Variants in DMD observed in about 807,000 individuals in gnomAD.
DMD encodes mutant dystrophin.
Under a neutral mutation model 330.1 loss-of-function variants are expected in DMD, and 63 were observed. The ratio of observed to expected loss-of-function variants is 0.19; its 90% CI spans 0.16 to 0.24. The LOEUF is 0.24. Ranked by LOEUF, DMD falls within the 10% of genes least tolerant of loss-of-function variation. The probability of loss-of-function intolerance (pLI) is 1.00; values close to 1 mark genes in which losing one functional copy is unlikely to be tolerated. For synonymous variants in DMD, 1,223 were observed against 959.8 expected, an observed-to-expected ratio of 1.27 and a Z score of -5.07; for missense variants, 3,344 against 2,684.1, an observed-to-expected ratio of 1.25 and a Z score of -5.43.
At chrX:31,363,345 C>G (rs1378336993) in intron 60 of DMD, among the ~76,000 whole-genome samples, 1 of 107,499 alleles carries the variant, frequency 9.3e-6, no homozygotes, top group Non-Finnish European at 1.9e-5. Flanking sequence ...TTTCCGTGGC[C>G]TCTTTCAGTA....
At chrX:33,249,197 C>G (rs1283289685) in intron 1 of DMD, among the ~76,000 whole-genome samples, 4 of 112,357 alleles carry the variant, frequency 3.6e-5, no homozygotes, top group Non-Finnish European at 5.6e-5. Context: ...GTTGCCCAGG[C>G]TGGAGTGCAA....
chrX:31,930,614 C>T (rs1042067105), intron 46 of DMD, among the ~76,000 whole-genome samples: 72 of 111,870 alleles, frequency 6.4e-4, no homozygotes, highest in African/African-American at 2.0e-3. Flanking sequence ...CTCAGTCACA[C>T]GACCAACTCT....
chrX:33,265,623 T>C (rs1474927870), intron 1 of DMD, among the ~76,000 whole-genome samples: 1 of 111,376 alleles, frequency 9.0e-6, no homozygotes, highest in Admixed American at 9.6e-5. Context: ...GATTCAGTCT[T>C]GGCCCATGTA....
intron 1 of DMD, among the ~76,000 whole-genome samples, chrX:33,287,747 G>A (rs1189390640): frequency 9.0e-6 from 1 of 111,454 alleles, no homozygotes; most frequent in Non-Finnish European, 1.9e-5. Context: ...ACTCTAAACT[G>A]GGACACAATC....
chrX:32,712,578 G>A lies in DMD; in HGVS notation c.650-13285C>T, dbSNP rs769466410. Among the ~76,000 whole-genome samples, 4 of 111,336 alleles carry A rather than the reference G, an allele frequency of 3.6e-5. No individual in the cohort carries two copies. In the East Asian group the frequency reaches 8.5e-4, roughly 24 times the overall value. On this transcript the variant is annotated intron_variant, in intron 7 of 78. Transcript: ENST00000357033. ...ATTTGTACTATGCATTTATTTATTA[G>A]TTAAGCTTAATTTTATTTTGATGGG... is the stretch of plus-strand genomic sequence containing the variant.
intron 50 of DMD, among the ~76,000 whole-genome samples, chrX:31,802,141 CTA>C (rs1387333168): frequency 9.2e-6 from 1 of 108,803 alleles, no homozygotes; most frequent in Non-Finnish European, 1.9e-5. Context: ...AAGGGTCACA[CTA>C]TACAAGATCC....
intron 55 of DMD, among the ~76,000 whole-genome samples, chrX:31,508,816 T>C (rs968435616): frequency 2.7e-5 from 3 of 111,413 alleles, no homozygotes; most frequent in African/African-American, 9.8e-5. Context: ...TTGAATTAAA[T>C]TACTCTGCTA....
intron 7 of DMD, among the ~76,000 whole-genome samples, chrX:32,705,556 G>A (rs1385033510): frequency 8.9e-6 from 1 of 111,827 alleles, no homozygotes; most frequent in Non-Finnish European, 1.9e-5. Flanking sequence ...GCTCATGCCT[G>A]TAATCCCAGC....
chrX:32,819,412 G>C (rs1243583428), intron 5 of DMD, among the ~76,000 whole-genome samples: 1 of 110,803 alleles, frequency 9.0e-6, no homozygotes, highest in African/African-American at 3.3e-5. Context: ...AGCAAGATTT[G>C]TTATTACAAC....
Position 32,217,035 on chromosome X carries a change from G to T in DMD, c.6319C>A (p.Arg2107=), listed in dbSNP as rs770711808. 11 of 1,208,870 alleles carry T rather than the reference G, an allele frequency of 9.1e-6. No individual in the cohort carries two copies. Among genetic ancestry groups the T allele is most frequent in the Middle Eastern group, 2.3e-4 (1 of 4,347 alleles). Residue 2107 remains arginine, a synonymous_variant, in exon 44 of 79, where the codon CGG becomes AGG. Coordinates refer to ENST00000357033, the MANE Select transcript of DMD (RefSeq NM_004006.3). The stretch of plus-strand genomic sequence containing the variant: ...ATCTTTATATCATAATGAAAACGCC[G>T]CCATTTCTCAACAGATCTGTCAAAT... ...GRFDRSVEKW[R]RFHYDIKIFN...
At chrX:33,200,200 A>T (rs1446961490) in intron 1 of DMD, among the ~76,000 whole-genome samples, 1 of 111,826 alleles carries the variant, frequency 8.9e-6, no homozygotes, top group Admixed American at 9.5e-5. Context: ...TAAGAAATAA[A>T]TAATTATATG....
At chrX:32,638,852 T>G (rs1400876918) in intron 11 of DMD, among the ~76,000 whole-genome samples, 1 of 111,045 alleles carries the variant, frequency 9.0e-6, no homozygotes, top group African/African-American at 3.3e-5. Context: ...CTATCCACTC[T>G]CACATATGCC....
chrX:31,212,156 ATATATATATATGTGTGTGTG>A (rs1189310607), intron 64 of DMD, among the ~76,000 whole-genome samples: 2 of 76,985 alleles, frequency 2.6e-5, no homozygotes, highest in African/African-American at 1.0e-4. Context: ...TTATATATAT[ATATATATATATGTGTGTGTG>A]TATGTGTGTG....
intron 28 of DMD, among the ~76,000 whole-genome samples, chrX:32,439,994 C>A (rs1603633511): frequency 9.0e-6 from 1 of 111,179 alleles, no homozygotes; most frequent in East Asian, 2.8e-4. Context: ...AATTTTCTCT[C>A]TTTCCTTAAC....
intron 7 of DMD, among the ~76,000 whole-genome samples, chrX:32,754,409 A>G (rs1345255508): frequency 1.8e-5 from 2 of 110,431 alleles, no homozygotes; most frequent in Non-Finnish European, 3.8e-5. Flanking sequence ...TGTGTATTCT[A>G]TATACAGAGC....
chrX:32,904,513 C>T (rs1042657106), intron 2 of DMD, among the ~76,000 whole-genome samples: 34 of 112,080 alleles, frequency 3.0e-4, no homozygotes, highest in African/African-American at 1.1e-3. Context: ...AAGTCATAGA[C>T]ACTGAACTGA....
At position 31,657,575 on chromosome X, in the gene DMD, T is replaced by C. The variant is rs762666881; in HGVS notation, c.8027+415A>G. On this transcript the variant is annotated intron_variant, in intron 54 of 78. Coordinates refer to ENST00000357033, the MANE Select transcript of DMD (RefSeq NM_004006.3). ...TTCCCATTGGGTGTGTGGAGTGAGA[T>C]ACTAGGATGAGACCATGTACAGCTA... Among the ~76,000 whole-genome samples the C allele has an allele frequency of 1.0e-3, 111 of 111,460 alleles. 3 individuals carry two copies. The highest frequency in any genetic ancestry group is 1.0e-3 in the Non-Finnish European group (55 of 53,014).
chrX:31,421,335 AAAATAAGC>A (rs747407009), intron 60 of DMD, among the ~76,000 whole-genome samples: 1 of 112,479 alleles, frequency 8.9e-6, no homozygotes, highest in Non-Finnish European at 1.9e-5. Context: ...GCTTTGGAAT[AAAATAAGC>A]AAATAAGACT....
chrX:31,798,021 TTTTCTTTTA>T (rs759472620), intron 50 of DMD, among the ~76,000 whole-genome samples: 1 of 112,155 alleles, frequency 8.9e-6, no homozygotes, highest in East Asian at 2.8e-4. Context: ...ATATTTTTGC[TTTTCTTTTA>T]TAGGTGGAAA....
Sources: gnomAD v4.1 joint callset for allele counts (sites outside exome capture counted in the v4.1 genomes callset) on GRCh38, gnomAD v4.1.1 for gene constraint, MANE v1.5 for transcripts, NCBI Gene and HGNC (gene_info 2026-07-23, HGNC 2026-07-21) for gene names.